RHEB: variants seen among roughly 807,000 people sequenced by gnomAD.
RHEB encodes the protein Ras homolog, mTORC1 binding, also known as GTP-binding protein Rheb.
RHEB carries 2 observed loss-of-function variants against 28.8 expected under a neutral mutation model. That is an observed-to-expected ratio of 0.07 (90% CI 0.03 to 0.22). The LOEUF (loss-of-function observed/expected upper bound fraction) is 0.22. RHEB is among the 10% of genes least tolerant of loss of function. The probability of loss-of-function intolerance (pLI) is 1.00; values close to 1 mark genes in which losing one functional copy is unlikely to be tolerated. For missense variants in RHEB, 76 were observed against 219.9 expected (o/e 0.35, Z 4.14); for synonymous variants, 69 against 77.3 (o/e 0.89, Z 0.56).
At chr7:151,490,608 C>A (rs1802563087) in intron 2 of RHEB, among the ~76,000 whole-genome samples, 1 of 152,102 alleles carries the variant, frequency 6.6e-6, no homozygotes, top group Admixed American at 6.6e-5. Context: ...AGCTTGGAAT[C>A]CCTGGAAACT....
rs373570870 is a variant in RHEB at position 151,492,386 on chromosome 7, G to C, written c.53-1372C>G. ...TTCCAGCACTTTGGGAGGCTGAAGC[G>C]GGTGGATCACCTGAGGTCTGGAGTT... On this transcript the variant is annotated intron_variant, in intron 1 of 7. Coordinates refer to ENST00000262187, the MANE Select transcript of RHEB (RefSeq NM_005614.4). Among the ~76,000 whole-genome samples, 6 of 152,096 alleles carry C rather than the reference G, an allele frequency of 3.9e-5. No individual in the cohort carries two copies. The East Asian group carries it at 9.7e-4, about 25-fold the overall frequency.
chr7:151,490,906 G>C (rs751756976), intron 2 of RHEB, 37 bp downstream of exon 2: 6 of 1,448,732 alleles, frequency 4.1e-6, no homozygotes, highest in Admixed American at 3.3e-5. Context: ...ACAAAAGAAG[G>C]CTTCTCAGTT....
At chr7:151,516,382 A>AG (rs1803078447) in intron 1 of RHEB, among the ~76,000 whole-genome samples, 1 of 152,054 alleles carries the variant, frequency 6.6e-6, no homozygotes, top group South Asian at 2.1e-4. Flanking sequence ...CCCAGCACTT[A>AG]GGGAGGCCGA....
chr7:151,480,291 C>A (rs1017304545), intron 3 of RHEB, among the ~76,000 whole-genome samples: 6 of 152,084 alleles, frequency 3.9e-5, no homozygotes, highest in African/African-American at 1.4e-4. Flanking sequence ...GGATATATAT[C>A]CCAACAACTG....
intron 2 of RHEB, among the ~76,000 whole-genome samples, chr7:151,488,669 T>A (rs996325390): frequency 6.6e-6 from 1 of 152,234 alleles, no homozygotes; most frequent in Non-Finnish European, 1.5e-5. Context: ...CATATTCATA[T>A]TTATTTCTGC....
At chr7:151,510,910 T>G (rs920523782) in intron 1 of RHEB, among the ~76,000 whole-genome samples, 1 of 151,696 alleles carries the variant, frequency 6.6e-6, no homozygotes, top group Non-Finnish European at 1.5e-5. Context: ...AGACCTCATG[T>G]CTACAAAAAA....
At chr7:151,470,784 C>T in intron 6 of RHEB, 132 bp from the exon 7 acceptor site, 2 of 607,708 alleles carry the variant, frequency 3.3e-6, no homozygotes, top group South Asian at 4.2e-5. Flanking sequence ...CCTGGCCTAA[C>T]ATTAGCATCA....
chr7:151,478,280 T>C (rs1802307041), intron 3 of RHEB, among the ~76,000 whole-genome samples: 1 of 152,062 alleles, frequency 6.6e-6, no homozygotes, highest in South Asian at 2.1e-4. Context: ...CACATCATGG[T>C]ACCAGAAGAT....
intron 1 of RHEB, among the ~76,000 whole-genome samples, chr7:151,491,249 T>C (rs1802576257): frequency 6.6e-6 from 1 of 152,246 alleles, no homozygotes; most frequent in South Asian, 2.1e-4. Flanking sequence ...GTCTGTGACA[T>C]TAACAAATAT....
rs1033390685 is a variant in RHEB at position 151,491,092 on chromosome 7, A to C, written c.53-78T>G. The C allele has an allele frequency of 3.1e-6, 3 of 975,238 alleles. No homozygotes were observed. In the African/African-American group the frequency reaches 4.9e-5, roughly 16 times the overall value. The allele number at this position is 975,238 out of a possible 1,614,324, so 60.4% of individuals were successfully genotyped here. ...TTTAATTTTGCTGTTTTATTAAAAA[A>C]CCATTAATAGATGAAGACACTGAAG... On this transcript the variant is annotated intron_variant, in intron 1 of 7. Coordinates refer to ENST00000262187, the MANE Select transcript of RHEB (RefSeq NM_005614.4).
chr7:151,491,270 C>G lies in RHEB; in HGVS notation c.53-256G>C, dbSNP rs1171388002. On this transcript the variant is annotated intron_variant, in intron 1 of 7. Transcript: ENST00000262187. ...GACATTAACAAATATTACTGACCAACAAGCACATCAGATATTCTGTTAAAG... is the reference window on the plus strand; with the variant it reads ...GACATTAACAAATATTACTGACCAAGAAGCACATCAGATATTCTGTTAAAG... 2.0e-5 allele frequency among the ~76,000 whole-genome samples: 3 copies of G among 152,160 alleles called. No homozygotes were observed. The South Asian group carries it at 6.2e-4, about 31-fold the overall frequency.
chr7:151,508,673 T>C (rs1164901899), intron 1 of RHEB, among the ~76,000 whole-genome samples: 2 of 151,338 alleles, frequency 1.3e-5, no homozygotes, highest in Admixed American at 6.6e-5. Context: ...CCCACTTTTG[T>C]AGAGACAGGG....
chr7:151,491,451 T>A (rs1275897281), intron 1 of RHEB, among the ~76,000 whole-genome samples: 1 of 152,174 alleles, frequency 6.6e-6, no homozygotes, highest in Non-Finnish European at 1.5e-5. Context: ...AAAAGAGTAA[T>A]CCGGCCAGGC....
chr7:151,494,221 C>T (rs895318415), intron 1 of RHEB, among the ~76,000 whole-genome samples: 3 of 152,180 alleles, frequency 2.0e-5, no homozygotes, highest in Non-Finnish European at 4.4e-5. Flanking sequence ...GAAAGAGGGG[C>T]TAAGTATGAT....
intron 1 of RHEB, among the ~76,000 whole-genome samples, chr7:151,510,217 C>G (rs1802958284): frequency 6.6e-6 from 1 of 152,212 alleles, no homozygotes; most frequent in Admixed American, 6.5e-5. Flanking sequence ...CCCATCCCCA[C>G]TTGATGATCA....
intron 1 of RHEB, among the ~76,000 whole-genome samples, chr7:151,509,300 G>A (rs369114927): frequency 2.1e-4 from 32 of 152,286 alleles, no homozygotes; most frequent in African/African-American, 6.7e-4. Context: ...ACCTGTCTTC[G>A]GGACCATGGG....
chr7:151,517,132 G>A (rs1166639597), intron 1 of RHEB, among the ~76,000 whole-genome samples: 2 of 152,336 alleles, frequency 1.3e-5, no homozygotes, highest in East Asian at 1.9e-4. Context: ...GGGAGGCCAA[G>A]GTGGGAGGAC....
rs1049938233 is a variant in RHEB at position 151,466,175 on chromosome 7, A to T, written c.*944T>A. ...AGGTAACAGCCACCAAACAAATGAAATCCCTCTTCTCCTTTACAGCTGCTC... is the reference window on the plus strand; with the variant it reads ...AGGTAACAGCCACCAAACAAATGAATTCCCTCTTCTCCTTTACAGCTGCTC... On this transcript the variant is annotated 3_prime_UTR_variant, in exon 8 of 8. Coordinates refer to ENST00000262187, the MANE Select transcript of RHEB (RefSeq NM_005614.4). 2 of 152,152 alleles carry T rather than the reference A, an allele frequency of 1.3e-5. No individual in the cohort carries two copies. The highest frequency in any genetic ancestry group is 4.8e-5 in the African/African-American group (2 of 41,420). 9.4% of individuals were successfully genotyped at this position (152,152 alleles called of 1,614,324 possible).
intron 4 of RHEB, among the ~76,000 whole-genome samples, chr7:151,475,911 A>C (rs1802263457): frequency 6.6e-6 from 1 of 152,216 alleles, no homozygotes; most frequent in Non-Finnish European, 1.5e-5. Flanking sequence ...ATGTTAAAAC[A>C]ATCCATGCAG....
Sources: gnomAD v4.1 joint callset for allele counts (sites outside exome capture counted in the v4.1 genomes callset) on GRCh38, gnomAD v4.1.1 for gene constraint, MANE v1.5 for transcripts, NCBI Gene and HGNC (gene_info 2026-07-23, HGNC 2026-07-21) for gene names.